Variants in COL4A5 observed in about 807,000 individuals in gnomAD.
COL4A5 encodes collagen alpha-5(IV) chain.
In COL4A5, 26 loss-of-function variants were observed where a neutral mutation model predicts 130.2. The observed-to-expected ratio is 0.20, with a 90% confidence interval of 0.15 to 0.28. The LOEUF (loss-of-function observed/expected upper bound fraction) is 0.28, where lower values mean the gene tolerates loss of function less well. Among genes scored for constraint, COL4A5 ranks in the 10% least tolerant of loss-of-function variants. The pLI, the probability that COL4A5 is intolerant of heterozygous loss-of-function variation, is 1.00. For missense variants in COL4A5, 1,131 were observed against 1,344.3 expected (o/e 0.84, Z 2.48); for synonymous variants, 496 against 439.6 (o/e 1.13, Z -1.60).
Position 108,692,768 on chromosome X carries a change from C to T in COL4A5, c.4549C>T (p.Arg1517Cys), listed in dbSNP as rs932623215. ...QDLGTAGSCL[R>C]RFSTMPFMFC... ...TCTAGGGACGGCTGGCAGCTGCCTT[C>T]GTCGCTTTAGTACCATGCCTTTCAT... is the stretch of plus-strand genomic sequence containing the variant. Residue 1517 changes from arginine (R) to cysteine (C), a missense_variant, in exon 50 of 53, where the codon CGT becomes TGT. By Grantham distance (180) the Arg-to-Cys change is radical. Transcript: ENST00000328300. 2.5e-6 allele frequency: 3 copies of T among 1,209,493 alleles called. No individual in the cohort carries two copies. In the Admixed American group the frequency reaches 6.6e-5, roughly 26 times the overall value.
At chrX:108,501,939 G>A (rs2065083445) in intron 1 of COL4A5, among the ~76,000 whole-genome samples, 1 of 111,297 alleles carries the variant, frequency 9.0e-6, no homozygotes, top group African/African-American at 3.3e-5. Context: ...GACTCTTATG[G>A]TGGAGCAAAT....
At chrX:108,494,101 T>A (rs1018310960) in intron 1 of COL4A5, among the ~76,000 whole-genome samples, 33 of 111,878 alleles carry the variant, frequency 2.9e-4, no homozygotes, top group African/African-American at 1.1e-3. Flanking sequence ...TTAAATACAA[T>A]TTTAAGTCTA....
At position 108,586,723 on chromosome X, in the gene COL4A5, C is replaced by T; in HGVS notation, c.1141C>T (p.Pro381Ser). Residue 381 changes from proline (P) to serine (S), a missense_variant, in exon 19 of 53, where the codon CCA becomes TCA. Physicochemically the swap from Pro to Ser is moderately conservative, Grantham distance 74. Transcript: ENST00000328300. ...GCGAGGATTTCCTGGAATACAGGGTCCACCTGGCCTTCCTGGACCTCCAGG... is the reference window on the plus strand; with the variant it reads ...GCGAGGATTTCCTGGAATACAGGGTTCACCTGGCCTTCCTGGACCTCCAGG... ...GERGFPGIQG[P>S]PGLPGPPGAA... The T allele has an allele frequency of 2.5e-6, 3 of 1,210,057 alleles. No individual in the cohort carries two copies. The highest frequency in any genetic ancestry group is 3.4e-6 in the Non-Finnish European group (3 of 894,261).
chrX:108,544,148 G>A lies in COL4A5; in HGVS notation c.141+4343G>A, dbSNP rs777626472. Among the ~76,000 whole-genome samples, 25 of 111,807 alleles carry A rather than the reference G, an allele frequency of 2.2e-4. No homozygotes were observed. In the South Asian group the frequency reaches 9.4e-3, roughly 42 times the overall value. On this transcript the variant is annotated intron_variant, in intron 2 of 52. Transcript: ENST00000328300. ...TGGCCAGAACTTCCAACACTATGTT[G>A]AATAGGAGTGGTGAGAGAGGGCATC... is the stretch of plus-strand genomic sequence containing the variant.
intron 36 of COL4A5, among the ~76,000 whole-genome samples, chrX:108,634,213 C>CAAA (rs35480457): frequency 1.8e-3 from 120 of 66,241 alleles, no homozygotes; most frequent in African/African-American, 5.1e-3. Context: ...GAAAGTGCAA[C>CAAA]AAAAAAAAAA....
At chrX:108,562,876 A>G (rs1157398237) in intron 3 of COL4A5, among the ~76,000 whole-genome samples, 1 of 111,778 alleles carries the variant, frequency 8.9e-6, no homozygotes, top group Non-Finnish European at 1.9e-5. Flanking sequence ...AAGAGGGTAT[A>G]CAATGAAAGA....
chrX:108,659,529 C>T (rs1228082042), intron 37 of COL4A5, among the ~76,000 whole-genome samples: 1 of 110,238 alleles, frequency 9.1e-6, no homozygotes, highest in African/African-American at 3.3e-5. Context: ...TTCTATTTCT[C>T]CTTTTCTCTC....
chrX:108,663,971 G>T (rs1020317740), intron 37 of COL4A5, among the ~76,000 whole-genome samples: 4 of 111,714 alleles, frequency 3.6e-5, no homozygotes, highest in African/African-American at 1.3e-4. Context: ...CAGATCACGA[G>T]GTCAGGAGTT....
chrX:108,624,432 A>T, intron 34 of COL4A5, 98 bp downstream of exon 34: 3 of 736,148 alleles, frequency 4.1e-6, no homozygotes, highest in Non-Finnish European at 6.2e-6. Flanking sequence ...TGTGGATTTG[A>T]TCATGGTAAT....
At chrX:108,597,611 C>T (rs2066544536) in intron 24 of COL4A5, 43 bp downstream of exon 24, 1 of 1,109,927 alleles carries the variant, frequency 9.0e-7, no homozygotes, top group Non-Finnish European at 1.2e-6. Context: ...GTTAAATTTT[C>T]ACTTAGAAAT....
chrX:108,647,881 G>A (rs931813054), intron 36 of COL4A5, among the ~76,000 whole-genome samples: 2 of 111,685 alleles, frequency 1.8e-5, no homozygotes, highest in East Asian at 2.8e-4. Flanking sequence ...GCTGGATTAC[G>A]TTTATTGATT....
At position 108,606,738 on chromosome X, in the gene COL4A5, C is replaced by G; in HGVS notation, c.2245-4C>G. On this transcript the variant is annotated splice_polypyrimidine_tract_variant and splice_region_variant and intron_variant, in intron 28 of 52. Transcript: ENST00000328300. ...TGTTGTGTTTTGTCATGTGTATGCT[C>G]AAGGGTGAACCAGGATTTGCATTAC... The G allele has an allele frequency of 8.3e-7, 1 of 1,211,298 alleles. No homozygotes were observed. The highest frequency in any genetic ancestry group is 1.1e-6 in the Non-Finnish European group (1 of 895,153).
intron 36 of COL4A5, among the ~76,000 whole-genome samples, chrX:108,636,054 G>C (rs1460358013): frequency 3.6e-5 from 4 of 111,772 alleles, no homozygotes; most frequent in Non-Finnish European, 5.7e-5. Flanking sequence ...AACATTAGAA[G>C]CCCAAACATC....
chrX:108,483,711 G>A (rs1051349101), intron 1 of COL4A5, among the ~76,000 whole-genome samples: 1 of 111,952 alleles, frequency 8.9e-6, no homozygotes, highest in South Asian at 3.7e-4. Flanking sequence ...TTCCATAGTG[G>A]TTGTACTAAT....
At chrX:108,524,108 A>G (rs28881261) in intron 1 of COL4A5, among the ~76,000 whole-genome samples, 11,553 of 111,124 alleles carry the variant, frequency 0.1, 1,299 homozygotes, top group African/African-American at 0.34. Context: ...AAATACATAA[A>G]CCTACTATGT....
intron 2 of COL4A5, among the ~76,000 whole-genome samples, chrX:108,555,384 T>G (rs16985516): frequency 0.1 from 11,662 of 111,808 alleles, 1,300 homozygotes; most frequent in African/African-American, 0.34. Flanking sequence ...TATTTCTAGT[T>G]CTACATAACT....
chrX:108,662,660 T>A (rs1255540140), intron 37 of COL4A5, among the ~76,000 whole-genome samples: 1 of 111,816 alleles, frequency 8.9e-6, no homozygotes, highest in Non-Finnish European at 1.9e-5. Context: ...TTACAAGGGA[T>A]GTCAAGGACT....
At chrX:108,692,998 A>G in intron 50 of COL4A5, 73 bp downstream of exon 50, 2 of 1,084,705 alleles carry the variant, frequency 1.8e-6, no homozygotes, top group Non-Finnish European at 2.6e-6. Context: ...GTCCAAAGCT[A>G]ACAATCTGAT....
At chrX:108,597,861 C>T (rs992689011) in intron 24 of COL4A5, among the ~76,000 whole-genome samples, 7 of 111,296 alleles carry the variant, frequency 6.3e-5, no homozygotes, top group Admixed American at 1.9e-4. Flanking sequence ...TAAGGTTCCC[C>T]ATCTCTTAAC....
Sources: gnomAD v4.1 joint callset for allele counts (sites outside exome capture counted in the v4.1 genomes callset) on GRCh38, gnomAD v4.1.1 for gene constraint, MANE v1.5 for transcripts, NCBI Gene and HGNC (gene_info 2026-07-23, HGNC 2026-07-21) for gene names.